NRXN1: variants seen among roughly 807,000 people sequenced by gnomAD.
NRXN1 encodes the protein neurexin-1.
NRXN1 carries 39 observed loss-of-function variants against 150.9 expected under a neutral mutation model. The observed-to-expected ratio is 0.26, with a 90% CI of 0.20 to 0.34. The LOEUF (loss-of-function observed/expected upper bound fraction) is 0.34, where lower values mean the gene tolerates loss of function less well. Ranked by LOEUF, NRXN1 falls within the 10% of genes least tolerant of loss-of-function variation. The probability of loss-of-function intolerance (pLI) is 1.00; values close to 1 mark genes in which losing one functional copy is unlikely to be tolerated. For missense variants in NRXN1, 1,815 were observed against 1,949.9 expected (o/e 0.93, Z 1.30); for synonymous variants, 924 against 757.0 (o/e 1.22, Z -3.62).
chr2:50,541,340 C>T (rs576484870), intron 9 of NRXN1, among the ~76,000 whole-genome samples: 24 of 152,196 alleles, frequency 1.6e-4, no homozygotes, highest in African/African-American at 4.8e-4. Flanking sequence ...TCATTGGCTT[C>T]CACAACCCAC....
intron 17 of NRXN1, among the ~76,000 whole-genome samples, chr2:50,405,535 A>G (rs1246349073): frequency 6.6e-6 from 1 of 152,148 alleles, no homozygotes; most frequent in Non-Finnish European, 1.5e-5. Flanking sequence ...CTATTGTGTC[A>G]CAGTAATCCA....
At chr2:50,746,043 G>C (rs552691082) in intron 5 of NRXN1, among the ~76,000 whole-genome samples, 18 of 152,280 alleles carry the variant, frequency 1.2e-4, no homozygotes, top group Non-Finnish European at 2.4e-4. Context: ...GTGACTTGAA[G>C]CTAGGGAAGC....
chr2:50,891,576 T>C (rs755815578), intron 5 of NRXN1, among the ~76,000 whole-genome samples: 6 of 152,084 alleles, frequency 3.9e-5, no homozygotes, highest in Non-Finnish European at 7.4e-5. Context: ...CTATAAAAAT[T>C]AATCATTACT....
At chr2:50,765,817 C>CAACAG (rs1260532810) in intron 5 of NRXN1, among the ~76,000 whole-genome samples, 1 of 151,980 alleles carries the variant, frequency 6.6e-6, no homozygotes, top group Non-Finnish European at 1.5e-5. Context: ...ATCAGAAGCT[C>CAACAG]AACAGAGCTG....
chr2:50,507,998 A>T (rs2092310919), intron 12 of NRXN1, among the ~76,000 whole-genome samples: 1 of 152,114 alleles, frequency 6.6e-6, no homozygotes, highest in African/African-American at 2.4e-5. Context: ...AAGAAGAAAA[A>T]AAAAGAGGAG....
At chr2:50,800,339 A>G (rs1013292682) in intron 5 of NRXN1, among the ~76,000 whole-genome samples, 1 of 152,054 alleles carries the variant, frequency 6.6e-6, no homozygotes, top group African/African-American at 2.4e-5. Flanking sequence ...AAGCCTCACT[A>G]TCTATATTTA....
At chr2:50,841,243 G>C (rs965303249) in intron 5 of NRXN1, 2 of 152,562 alleles carry the variant, frequency 1.3e-5, no homozygotes, top group South Asian at 2.1e-4. Context: ...TGACAGGCAA[G>C]TTATCTCCAT....
intron 18 of NRXN1, among the ~76,000 whole-genome samples, chr2:50,217,909 T>A (rs990103387): frequency 1.3e-5 from 2 of 152,068 alleles, no homozygotes; most frequent in Non-Finnish European, 2.9e-5. Context: ...TACTGATGCC[T>A]AGTAATGGCT....
chr2:50,891,865 C>T (rs895678458), intron 5 of NRXN1, among the ~76,000 whole-genome samples: 1 of 152,008 alleles, frequency 6.6e-6, no homozygotes, highest in African/African-American at 2.4e-5. Flanking sequence ...TCATTCATCA[C>T]CCATCCATTC....
At chr2:51,023,056 C>G (rs558859170) in intron 2 of NRXN1, among the ~76,000 whole-genome samples, 1 of 152,260 alleles carries the variant, frequency 6.6e-6, no homozygotes, top group South Asian at 2.1e-4. Flanking sequence ...CTAACCAAAC[C>G]CATGATGACT....
chr2:50,617,805 G>A (rs192840487), intron 8 of NRXN1, among the ~76,000 whole-genome samples: 17 of 152,252 alleles, frequency 1.1e-4, no homozygotes, highest in Admixed American at 5.9e-4. Context: ...CTAAGGTAAG[G>A]AATCTTTATT....
chr2:50,421,930 G>C (rs1324111175), intron 17 of NRXN1, among the ~76,000 whole-genome samples: 1 of 152,046 alleles, frequency 6.6e-6, no homozygotes, highest in African/African-American at 2.4e-5. Context: ...AAACCCTTCA[G>C]TGGAACTGCA....
intron 18 of NRXN1, among the ~76,000 whole-genome samples, chr2:50,220,099 T>C (rs1308676135): frequency 1.4e-5 from 2 of 145,386 alleles, no homozygotes; most frequent in East Asian, 2.0e-4. Flanking sequence ...AAGGCAGACT[T>C]AGAGAGAAAT....
chr2:50,489,957 G>C (rs1415618439), intron 15 of NRXN1, among the ~76,000 whole-genome samples: 4 of 152,156 alleles, frequency 2.6e-5, no homozygotes, highest in Admixed American at 1.3e-4. Context: ...AAAACACACT[G>C]ACAAAGGCTT....
intron 5 of NRXN1, among the ~76,000 whole-genome samples, chr2:50,768,019 A>C (rs1307987966): frequency 6.6e-6 from 1 of 152,086 alleles, no homozygotes; most frequent in Non-Finnish European, 1.5e-5. Context: ...GCATTTGTTG[A>C]TATAAAGACA....
At chr2:50,110,434 G>A (rs1414417961) in intron 18 of NRXN1, among the ~76,000 whole-genome samples, 1 of 145,294 alleles carries the variant, frequency 6.9e-6, no homozygotes, top group Admixed American at 7.0e-5. Context: ...GGAGCTTGCA[G>A]TGAGCTGAGA....
chr2:50,091,268 T>A (rs1699514840), intron 19 of NRXN1, 55 bp downstream of exon 19: 1 of 1,597,592 alleles, frequency 6.3e-7, no homozygotes, highest in Admixed American at 1.7e-5. Context: ...ACAGTGCTTT[T>A]TCTTCCAGTT....
At chr2:50,149,287 CA>C (rs1404621016) in intron 18 of NRXN1, among the ~76,000 whole-genome samples, 1 of 151,424 alleles carries the variant, frequency 6.6e-6, no homozygotes, top group Non-Finnish European at 1.5e-5. Context: ...AATGGCTAAG[CA>C]AAAAAGACAA....
chr2:50,817,652 T>A (rs199973972), intron 5 of NRXN1, among the ~76,000 whole-genome samples: 1 of 152,046 alleles, frequency 6.6e-6, no homozygotes, highest in African/African-American at 2.4e-5. Flanking sequence ...AAAAGTATCA[T>A]ACATCATGAC....
Sources: allele counts gnomAD v4.1 joint callset (sites outside exome capture counted in the v4.1 genomes callset), GRCh38; gene constraint gnomAD v4.1.1; transcripts MANE v1.5; gene names NCBI Gene and HGNC (gene_info 2026-07-23, HGNC 2026-07-21).